PRCP: variants seen among roughly 807,000 people sequenced by gnomAD.
The protein encoded by PRCP is lysosomal Pro-X carboxypeptidase.
Under a neutral mutation model 54.2 loss-of-function variants are expected in PRCP, and 46 were observed. That is an observed-to-expected ratio of 0.85 (90% CI 0.67 to 1.09). The LOEUF (loss-of-function observed/expected upper bound fraction) is 1.09. PRCP is among the 50% of genes least tolerant of loss of function. The pLI is 0.00. For synonymous variants in PRCP, 240 were observed against 212.2 expected (o/e 1.13, Z -1.14); for missense variants, 613 against 596.8 (o/e 1.03, Z -0.28).
chr11:82,885,933 T>C (rs1024246032), intron 1 of PRCP, among the ~76,000 whole-genome samples: 1 of 152,214 alleles, frequency 6.6e-6, no homozygotes. Context: ...AAGATGTATC[T>C]TCCTTTATTC....
At position 82,900,244 on chromosome 11, in the gene PRCP, G is replaced by A. The variant is rs1304704830; in HGVS notation, c.159C>T (p.Phe53=). The change falls in exon 1 of 9, where the codon TTC becomes TTT. Residue 53 remains phenylalanine (F), a synonymous_variant. Coordinates refer to ENST00000313010, the MANE Select transcript of PRCP (RefSeq NM_005040.4). ...CCCCGCTCCCCCTTACCTTCTGTTG[G>A]AAGTAGAGAACCGAATAGTTCTTGG... ...AVAKNYSVLY[F]QQKVDHFGFN... 6.2e-7 allele frequency: 1 copy of A among 1,614,182 alleles called. No homozygotes were observed. Among genetic ancestry groups the A allele is most frequent in the Non-Finnish European group, 8.5e-7 (1 of 1,180,002 alleles).
intron 3 of PRCP, among the ~76,000 whole-genome samples, chr11:82,852,875 G>C (rs1272409171): frequency 6.6e-6 from 1 of 152,120 alleles, no homozygotes; most frequent in Non-Finnish European, 1.5e-5. Flanking sequence ...AAGCGGAATT[G>C]TTTACTGATA....
At chr11:82,861,259 T>G (rs1351491225) in intron 1 of PRCP, among the ~76,000 whole-genome samples, 1 of 152,180 alleles carries the variant, frequency 6.6e-6, no homozygotes, top group Non-Finnish European at 1.5e-5. Flanking sequence ...AAAGAAGAGC[T>G]GTGTTTAGTC....
At chr11:82,887,935 A>T (rs1489057821) in intron 1 of PRCP, among the ~76,000 whole-genome samples, 1 of 152,122 alleles carries the variant, frequency 6.6e-6, no homozygotes, top group Non-Finnish European at 1.5e-5. Context: ...TACCACTAGG[A>T]TCTTTCCCTT....
At chr11:82,839,461 G>A (rs547949521) in intron 6 of PRCP, 36 bp from the exon 7 acceptor site, 23 of 1,549,662 alleles carry the variant, frequency 1.5e-5, no homozygotes, top group Middle Eastern at 4.2e-4. Context: ...GAAAGAGTCA[G>A]AATATGAATA....
rs78622481 is a variant in PRCP, at chr11:82,848,964, C to A, written c.921+85G>T. On this transcript the variant is annotated intron_variant, in intron 6 of 8. Coordinates refer to ENST00000313010, the MANE Select transcript of PRCP (RefSeq NM_005040.4). The stretch of plus-strand genomic sequence containing the variant: ...CTCTGGAGCCCCTTTGTCACTGGGA[C>A]TTTCTCTGAGGCAGAAAGTCAGAGT... 3.3e-3 allele frequency: 4,577 copies of A among 1,389,290 alleles called. 107 individuals carry two copies. The African/African-American group carries it at 0.053, about 16-fold the overall frequency. The allele number at this position is 1,389,290 out of a possible 1,614,324, so 86.1% of individuals were successfully genotyped here.
chr11:82,853,185 A>G lies in PRCP; in HGVS notation c.403T>C (p.Ser135Pro). 6.3e-7 allele frequency: 1 copy of G among 1,594,410 alleles called. No homozygotes were observed. Among genetic ancestry groups the G allele is most frequent in the South Asian group, 1.1e-5 (1 of 88,022 alleles). The change falls in exon 3 of 9, where the codon TCA becomes CCA. Residue 135 changes from serine to proline, a missense_variant. Physicochemically the swap from Ser to Pro is moderately conservative, Grantham distance 74. Coordinates refer to ENST00000313010, the MANE Select transcript of PRCP (RefSeq NM_005040.4). Reference sequence around the variant, plus strand: ...GTAAAAAGTATCTTTACCTTGAATGAGTTGTCACCAAAGGGGAGAGACTCT... The same window carrying G: ...GTAAAAAGTATCTTTACCTTGAATGGGTTGTCACCAAAGGGGAGAGACTCT... Reference protein sequence around the residue: ...YGESLPFGDNSFKDSRHLNFL... With the variant: ...YGESLPFGDNPFKDSRHLNFL...
At chr11:82,870,717 A>T (rs1272934737) in intron 1 of PRCP, among the ~76,000 whole-genome samples, 17 of 152,208 alleles carry the variant, frequency 1.1e-4, no homozygotes, top group Admixed American at 1.0e-3. Context: ...GAGGTTGGAG[A>T]CTGAATTGGT....
At chr11:82,851,548 A>C (rs1858955372) in intron 3 of PRCP, among the ~76,000 whole-genome samples, 1 of 150,968 alleles carries the variant, frequency 6.6e-6, no homozygotes, top group Non-Finnish European at 1.5e-5. Flanking sequence ...CTGCAGCACC[A>C]GCTGACATCC....
chr11:82,893,267 C>A (rs1441595446), intron 1 of PRCP, among the ~76,000 whole-genome samples: 1 of 152,156 alleles, frequency 6.6e-6, no homozygotes, highest in East Asian at 1.9e-4. Flanking sequence ...CAGCCCCCTG[C>A]TCATTCAATT....
At chr11:82,886,170 T>C (rs921476233) in intron 1 of PRCP, among the ~76,000 whole-genome samples, 2 of 152,258 alleles carry the variant, frequency 1.3e-5, no homozygotes, top group African/African-American at 4.8e-5. Flanking sequence ...ATATTTTTGC[T>C]GTCCAAAATT....
chr11:82,859,397 T>C (rs1365516630), intron 2 of PRCP, among the ~76,000 whole-genome samples: 1 of 152,184 alleles, frequency 6.6e-6, no homozygotes, highest in Non-Finnish European at 1.5e-5. Flanking sequence ...CTGGCTTTGT[T>C]TAGGTTTTAT....
rs563647321 is a variant in PRCP at position 82,893,953 on chromosome 11, A to G, written c.168+6282T>C. 2.6e-3 allele frequency among the ~76,000 whole-genome samples: 401 copies of G among 152,346 alleles called. 4 individuals carry two copies. Among genetic ancestry groups the G allele is most frequent in the African/African-American group, 9.3e-3 (388 of 41,574 alleles). On this transcript the variant is annotated intron_variant, in intron 1 of 8. Transcript: ENST00000313010. ...TTTCAATAAATGGTAGTAAATTACTATCATTAATAATGCATTAGACACATT... is the reference window on the plus strand; with the variant it reads ...TTTCAATAAATGGTAGTAAATTACTGTCATTAATAATGCATTAGACACATT...
intron 1 of PRCP, among the ~76,000 whole-genome samples, chr11:82,874,840 G>T (rs765346529): frequency 1.3e-5 from 2 of 152,072 alleles, no homozygotes; most frequent in African/African-American, 4.8e-5. Flanking sequence ...CCACACAGCC[G>T]TCTACCCTGT....
intron 1 of PRCP, among the ~76,000 whole-genome samples, chr11:82,889,524 G>A (rs1373491049): frequency 6.6e-6 from 1 of 152,018 alleles, no homozygotes; most frequent in African/African-American, 2.4e-5. Flanking sequence ...AAGCAGCAGA[G>A]GAAGCTGCAG....
chr11:82,825,090 C>G lies in PRCP; in HGVS notation c.1307G>C (p.Gly436Ala), dbSNP rs1858192150. ...AGTGTCTGTGATATCCTTAGTTACT[C>G]CACCTCCTGACCAGGGGTCTAGTTC... Reference protein sequence around the residue: ...NGELDPWSGGGVTKDITDTLV... With the variant: ...NGELDPWSGGAVTKDITDTLV... The change falls in exon 9 of 9, where the codon GGA becomes GCA. Residue 436 changes from glycine to alanine, a missense_variant. By Grantham distance (60) the Gly-to-Ala change is moderately conservative. Coordinates refer to ENST00000313010, the MANE Select transcript of PRCP (RefSeq NM_005040.4). 2 of 1,613,854 alleles carry G rather than the reference C, an allele frequency of 1.2e-6. No individual in the cohort carries two copies. Among genetic ancestry groups the G allele is most frequent in the Non-Finnish European group, 1.7e-6 (2 of 1,179,918 alleles).
upstream of PRCP, chr11:82,900,840 G>T: frequency 4.3e-6 from 2 of 460,362 alleles, no homozygotes; most frequent in Middle Eastern, 6.5e-4. Context: ...GACACCTCCT[G>T]CCTTCCGCAA....
intron 1 of PRCP, among the ~76,000 whole-genome samples, chr11:82,886,738 T>C (rs1372413660): frequency 6.6e-6 from 1 of 152,210 alleles, no homozygotes; most frequent in Non-Finnish European, 1.5e-5. Context: ...CATAAATCAC[T>C]TCAGCCTCTG....
chr11:82,859,672 T>C (rs970341858), intron 2 of PRCP, among the ~76,000 whole-genome samples: 2 of 152,020 alleles, frequency 1.3e-5, no homozygotes, highest in Non-Finnish European at 2.9e-5. Flanking sequence ...AGGCAGTCCA[T>C]GAAAAATACA....
Sources: allele counts gnomAD v4.1 joint callset (sites outside exome capture counted in the v4.1 genomes callset), GRCh38; gene constraint gnomAD v4.1.1; transcripts MANE v1.5; gene names NCBI Gene and HGNC (gene_info 2026-07-23, HGNC 2026-07-21).